Variants in VPS13D observed in about 807,000 individuals in gnomAD.
VPS13D encodes the protein vacuolar protein sorting 13 homolog D.
Under a neutral mutation model 461.9 loss-of-function variants are expected in VPS13D, and 187 were observed. The observed-to-expected ratio is 0.40, with a 90% confidence interval of 0.36 to 0.46. The LOEUF (loss-of-function observed/expected upper bound fraction) is 0.46. Among genes scored for constraint, VPS13D ranks in the 20% least tolerant of loss-of-function variants. The pLI is 0.60. For missense variants in VPS13D, 4,711 were observed against 5,364.9 expected, an observed-to-expected ratio of 0.88 and a Z score of 3.81; for synonymous variants, 1,951 against 1,986.3, an observed-to-expected ratio of 0.98 and a Z score of 0.47.
chr1:12,461,160 C>T (rs1292704773), intron 67 of VPS13D, among the ~76,000 whole-genome samples: 1 of 152,146 alleles, frequency 6.6e-6, no homozygotes, highest in Non-Finnish European at 1.5e-5. Context: ...TGTTAAGGGC[C>T]CAGCCAAGCT....
chr1:12,419,223 A>G (rs1179536971), intron 65 of VPS13D, among the ~76,000 whole-genome samples: 3 of 152,096 alleles, frequency 2.0e-5, no homozygotes. Context: ...ATATAAGGGT[A>G]TTGCTTTCCA....
chr1:12,316,776 T>C (rs1642896870), intron 30 of VPS13D, among the ~76,000 whole-genome samples: 1 of 152,122 alleles, frequency 6.6e-6, no homozygotes, highest in South Asian at 2.1e-4. Flanking sequence ...CTTTTGGGCT[T>C]ACGGAACCAA....
chr1:12,293,048 A>G (rs919355737), intron 23 of VPS13D, among the ~76,000 whole-genome samples: 28 of 152,218 alleles, frequency 1.8e-4, no homozygotes, highest in Admixed American at 1.4e-3. Context: ...ATCTTCGACT[A>G]TAGATTCCAG....
intron 67 of VPS13D, among the ~76,000 whole-genome samples, chr1:12,486,059 G>A (rs1645792930): frequency 6.6e-6 from 1 of 152,138 alleles, no homozygotes; most frequent in Non-Finnish European, 1.5e-5. Context: ...TATGGCAAGA[G>A]GCGGAAAAAA....
In VPS13D at chr1:12,314,106, C is replaced by G. The variant is rs565274451; in HGVS notation, c.6936-9C>G. 2 of 1,611,888 alleles carry G rather than the reference C, an allele frequency of 1.2e-6. No homozygotes were observed. The highest frequency in any genetic ancestry group is 1.7e-6 in the Non-Finnish European group (2 of 1,178,564). ...TCACATCTTGCTTGCTTTCTTTTCTCTCTTTTAGATTTGACTTCAAGAAAT... is the reference window on the plus strand; with the variant it reads ...TCACATCTTGCTTGCTTTCTTTTCTGTCTTTTAGATTTGACTTCAAGAAAT... On this transcript the variant is annotated splice_polypyrimidine_tract_variant and intron_variant, in intron 29 of 69. Transcript: ENST00000620676.
Position 12,331,993 on chromosome 1 carries a change from AG to A in VPS13D, c.8288-1232del, listed in dbSNP as rs527900673. Among the ~76,000 whole-genome samples the A allele has an allele frequency of 1.6e-3, 241 of 152,312 alleles. 1 individual carries two copies. Among genetic ancestry groups the A allele is most frequent in the African/African-American group, 5.3e-3 (222 of 41,564 alleles). On this transcript the variant is annotated intron_variant, in intron 37 of 69. Coordinates refer to ENST00000620676, the MANE Select transcript of VPS13D (RefSeq NM_015378.4). ...AAAATTAATTGGCTTTGAAAAGTTGAGTCTTTTAAGTCACAGTGATGTACCA... is the reference window on the plus strand; with the variant it reads ...AAAATTAATTGGCTTTGAAAAGTTGATCTTTTAAGTCACAGTGATGTACCA...
chr1:12,417,839 T>A (rs1168402876), intron 65 of VPS13D, among the ~76,000 whole-genome samples: 1 of 152,234 alleles, frequency 6.6e-6, no homozygotes, highest in Non-Finnish European at 1.5e-5. Context: ...TTCTGTAGGA[T>A]TATTGAACCA....
At chr1:12,338,465 G>A (rs985268549) in intron 40 of VPS13D, among the ~76,000 whole-genome samples, 160 bp downstream of exon 40, 13 of 152,078 alleles carry the variant, frequency 8.5e-5, no homozygotes, top group African/African-American at 3.1e-4. Context: ...GAACAGAGTG[G>A]TGCATATTAT....
intron 7 of VPS13D, among the ~76,000 whole-genome samples, chr1:12,255,235 C>T (rs1474728801): frequency 6.6e-6 from 1 of 152,188 alleles, no homozygotes; most frequent in East Asian, 1.9e-4. Context: ...CGTGAGTCAC[C>T]ATGCCCGGCA....
intron 27 of VPS13D, among the ~76,000 whole-genome samples, chr1:12,311,008 C>T (rs563115925): frequency 6.6e-6 from 1 of 151,956 alleles, no homozygotes; most frequent in East Asian, 1.9e-4. Flanking sequence ...CCTTGACTTC[C>T]TGGGCTCAAG....
intron 65 of VPS13D, among the ~76,000 whole-genome samples, chr1:12,437,998 T>C (rs189481915): frequency 1.3e-3 from 195 of 152,304 alleles, no homozygotes; most frequent in African/African-American, 4.5e-3. Context: ...AATATCAGTC[T>C]GGATATACTC....
At chr1:12,330,201 A>G (rs1054627301) in intron 37 of VPS13D, among the ~76,000 whole-genome samples, 1 of 152,154 alleles carries the variant, frequency 6.6e-6, no homozygotes, top group Non-Finnish European at 1.5e-5. Flanking sequence ...GATCACCCTG[A>G]GGTCAGGAGT....
intron 67 of VPS13D, among the ~76,000 whole-genome samples, chr1:12,492,774 A>C (rs1009625106): frequency 1.3e-5 from 2 of 152,226 alleles, no homozygotes; most frequent in African/African-American, 4.8e-5. Flanking sequence ...TGGGATAGTC[A>C]TACAATGGAA....
At chr1:12,335,136 G>A (rs1361765311) in intron 38 of VPS13D, among the ~76,000 whole-genome samples, 3 of 152,052 alleles carry the variant, frequency 2.0e-5, no homozygotes, top group African/African-American at 4.8e-5. Flanking sequence ...GCATGATCTC[G>A]GCTCACTGCA....
Position 12,353,999 on chromosome 1 carries a change from A to T in VPS13D, c.9457A>T (p.Asn3153Tyr). The T allele has an allele frequency of 6.2e-7, 1 of 1,614,130 alleles. No homozygotes were observed. The highest frequency in any genetic ancestry group is 8.5e-7 in the Non-Finnish European group (1 of 1,179,996). Residue 3153 changes from asparagine to tyrosine, a missense_variant, in exon 47 of 70, where the codon AAT becomes TAT. Asn to Tyr is a moderately radical substitution (Grantham distance 143). Transcript: ENST00000620676. ...GTTTTGTGTGGCTATAAAGAAAGAG[A>T]ATTATCCAGATTATATGCCCTCAAA... ...FRFCVAIKKE[N>Y]YPDYMPSNIF...
intron 65 of VPS13D, among the ~76,000 whole-genome samples, chr1:12,433,459 T>C (rs899414967): frequency 2.0e-5 from 3 of 152,154 alleles, no homozygotes; most frequent in African/African-American, 4.8e-5. Flanking sequence ...AGAGCAAGAT[T>C]GCAAAGAGTT....
At position 12,258,393 on chromosome 1, in the gene VPS13D, A is replaced by G. The variant is rs551652425; in HGVS notation, c.1110+290A>G. 3.3e-5 allele frequency among the ~76,000 whole-genome samples: 5 copies of G among 152,154 alleles called. No individual in the cohort carries two copies. The South Asian group carries it at 8.3e-4, about 25-fold the overall frequency. ...CCCAGCTCAAGAGACTGTTTCATAC[A>G]GTCACCCGCCTCTCTTCAAAGCCTG... is the stretch of plus-strand genomic sequence containing the variant. On this transcript the variant is annotated intron_variant, in intron 10 of 69. Coordinates refer to ENST00000620676, the MANE Select transcript of VPS13D (RefSeq NM_015378.4).
chr1:12,253,911 T>C (rs988127184), intron 7 of VPS13D, 85 bp downstream of exon 7: 1 of 1,034,290 alleles, frequency 9.7e-7, no homozygotes, highest in Non-Finnish European at 1.5e-6. Flanking sequence ...TTTTGTCTCT[T>C]GCCTCTCTGA....
intron 29 of VPS13D, among the ~76,000 whole-genome samples, chr1:12,312,755 C>A (rs12070180): frequency 6.6e-6 from 1 of 152,022 alleles, no homozygotes; most frequent in African/African-American, 2.4e-5. Context: ...GAAACCTGGT[C>A]CCTCCCGCCC....
Sources: allele counts gnomAD v4.1 joint callset (sites outside exome capture counted in the v4.1 genomes callset), GRCh38; gene constraint gnomAD v4.1.1; transcripts MANE v1.5; gene names NCBI Gene and HGNC (gene_info 2026-07-23, HGNC 2026-07-21).